The following SRFBP1 variants were observed in gnomAD, a reference collection of about 807,000 sequenced individuals.
SRFBP1 encodes the protein serum response factor binding protein 1, also known as serum response factor-binding protein 1.
Under a neutral mutation model 45.5 loss-of-function variants are expected in SRFBP1, and 47 were observed. The observed-to-expected ratio is 1.03, with a 90% CI of 0.82 to 1.32. The LOEUF is 1.32. Ranked by LOEUF, SRFBP1 falls within the 40% of genes most tolerant of loss-of-function variation. The probability of loss-of-function intolerance (pLI) is 0.00; values close to 1 mark genes in which losing one functional copy is unlikely to be tolerated. For synonymous variants in SRFBP1, 203 were observed against 166.3 expected, an observed-to-expected ratio of 1.22 and a Z score of -1.70; for missense variants, 621 against 484.6, an observed-to-expected ratio of 1.28 and a Z score of -2.64.
At chr5:121,968,533 T>C (rs1462380770) in intron 1 of SRFBP1, among the ~76,000 whole-genome samples, 1 of 152,198 alleles carries the variant, frequency 6.6e-6, no homozygotes, top group Non-Finnish European at 1.5e-5. Context: ...TACAGATCTT[T>C]TGCATTGATT....
At chr5:122,026,235 A>G (rs1481520580) in intron 7 of SRFBP1, among the ~76,000 whole-genome samples, 1 of 152,208 alleles carries the variant, frequency 6.6e-6, no homozygotes, top group Non-Finnish European at 1.5e-5. Flanking sequence ...AGCAACTAAA[A>G]TGTGCATTGA....
intron 2 of SRFBP1, among the ~76,000 whole-genome samples, chr5:122,060,188 A>C (rs2152581362): frequency 6.6e-6 from 1 of 152,170 alleles, no homozygotes; most frequent in East Asian, 1.9e-4. Context: ...TCTGGAGAGA[A>C]AGTCAGGCCT....
rs191454172 is a variant in SRFBP1, at chr5:122,000,706, T to C, written c.270+6036T>C. Among the ~76,000 whole-genome samples, 66 of 152,292 alleles carry C rather than the reference T, an allele frequency of 4.3e-4. 1 individual carries two copies. The highest frequency in any genetic ancestry group is 1.5e-3 in the African/African-American group (63 of 41,578). On this transcript the variant is annotated intron_variant, in intron 4 of 7. Transcript: ENST00000339397. The stretch of plus-strand genomic sequence containing the variant: ...TCCAAATTGACTATAAGATGTTCAC[T>C]CTGACTGGTTCAGTGTGAATTTGCT...
intron 2 of SRFBP1, among the ~76,000 whole-genome samples, chr5:122,043,472 T>C (rs1304673006): frequency 6.6e-6 from 1 of 152,178 alleles, no homozygotes; most frequent in Non-Finnish European, 1.5e-5. Context: ...CACTTCAGCA[T>C]CCCAAAGTGC....
chr5:122,000,932 A>G (rs1752852624), intron 4 of SRFBP1, among the ~76,000 whole-genome samples: 1 of 152,150 alleles, frequency 6.6e-6, no homozygotes, highest in Admixed American at 6.5e-5. Flanking sequence ...GTGTTCCCAG[A>G]GGATACATTA....
chr5:122,017,547 G>A (rs574371574), intron 4 of SRFBP1, among the ~76,000 whole-genome samples: 3 of 152,288 alleles, frequency 2.0e-5, no homozygotes, highest in South Asian at 2.1e-4. Flanking sequence ...TTCCAAATAA[G>A]TTCACATTCT....
At chr5:121,997,776 G>A (rs1367427666) in intron 4 of SRFBP1, among the ~76,000 whole-genome samples, 2 of 151,432 alleles carry the variant, frequency 1.3e-5, no homozygotes, top group East Asian at 1.9e-4. Flanking sequence ...TCTGACAAAG[G>A]GCTAATATCC....
chr5:121,991,578 G>C (rs905173971), intron 3 of SRFBP1, among the ~76,000 whole-genome samples: 1 of 152,106 alleles, frequency 6.6e-6, no homozygotes, highest in Non-Finnish European at 1.5e-5. Context: ...ATCAAAAGGA[G>C]CCTTATTCTG....
At chr5:121,969,617 G>C (rs956034249) in intron 1 of SRFBP1, among the ~76,000 whole-genome samples, 3 of 151,950 alleles carry the variant, frequency 2.0e-5, no homozygotes, top group South Asian at 2.1e-4. Flanking sequence ...AACTTTAAAG[G>C]CTTCTGTATG....
At chr5:122,061,668 G>T (rs1175841205) in intron 2 of SRFBP1, among the ~76,000 whole-genome samples, 1 of 152,034 alleles carries the variant, frequency 6.6e-6, no homozygotes, top group Non-Finnish European at 1.5e-5. Context: ...AAACAACTAA[G>T]ATTTGTGAGG....
At chr5:121,977,123 A>C (rs1185542349) in intron 3 of SRFBP1, among the ~76,000 whole-genome samples, 1 of 152,056 alleles carries the variant, frequency 6.6e-6, no homozygotes, top group Non-Finnish European at 1.5e-5. Context: ...ATTCAGTGAT[A>C]AAGTTTGTAG....
At chr5:122,004,206 C>G (rs1252286152) in intron 4 of SRFBP1, among the ~76,000 whole-genome samples, 1 of 152,138 alleles carries the variant, frequency 6.6e-6, no homozygotes, top group Non-Finnish European at 1.5e-5. Flanking sequence ...AGACTCTTAC[C>G]AGATGTATGG....
chr5:122,005,291 C>T (rs1752952349), intron 4 of SRFBP1, among the ~76,000 whole-genome samples: 1 of 152,112 alleles, frequency 6.6e-6, no homozygotes, highest in Non-Finnish European at 1.5e-5. Context: ...CTTCCTTCAG[C>T]TCCGTTAACA....
intron 4 of SRFBP1, among the ~76,000 whole-genome samples, chr5:122,011,255 A>G (rs1373723094): frequency 6.6e-6 from 1 of 152,160 alleles, no homozygotes; most frequent in Non-Finnish European, 1.5e-5. Context: ...TTTACAATAA[A>G]TACCCATATA....
At chr5:121,973,681 T>A (rs1209902560) in intron 1 of SRFBP1, among the ~76,000 whole-genome samples, 1 of 151,778 alleles carries the variant, frequency 6.6e-6, no homozygotes, top group Non-Finnish European at 1.5e-5. Flanking sequence ...TTTGTGGATC[T>A]TCTTTTAAAA....
At position 121,971,361 on chromosome 5, in the gene SRFBP1, G is replaced by A. The variant is rs192483904; in HGVS notation, c.37-2835G>A. ...TTAATAGGACTTGGAGATTCATTGT[G>A]AAGGATTAAGAGAGCTACCTCTAAA... is the stretch of plus-strand genomic sequence containing the variant. On this transcript the variant is annotated intron_variant, in intron 1 of 7. Coordinates refer to ENST00000339397, the MANE Select transcript of SRFBP1 (RefSeq NM_152546.3). Among the ~76,000 whole-genome samples the A allele has an allele frequency of 1.1e-4, 17 of 152,066 alleles. No homozygotes were observed. The East Asian group carries it at 3.3e-3, about 29-fold the overall frequency.
At chr5:121,985,429 TG>T (rs1752491176) in intron 3 of SRFBP1, among the ~76,000 whole-genome samples, 2 of 151,818 alleles carry the variant, frequency 1.3e-5, no homozygotes, top group Admixed American at 1.3e-4. Context: ...TCATGAAGTC[TG>T]TGTAAAGGAA....
downstream of SRFBP1, chr5:122,077,694 G>T (rs199790528): frequency 8.8e-6 from 14 of 1,597,138 alleles, no homozygotes; most frequent in Non-Finnish European, 1.2e-5. This position sits in a 1 kb window ranked among gnomAD's most constrained non-coding sequence, Gnocchi z 4.9. Flanking sequence ...GCGGCGGTGC[G>T]GTTGTCGCGG....
At chr5:122,039,587 C>A (rs1753741732) in intron 2 of SRFBP1, among the ~76,000 whole-genome samples, 1 of 152,096 alleles carries the variant, frequency 6.6e-6, no homozygotes, top group Admixed American at 6.5e-5. Context: ...GATAATCTTC[C>A]ACACTTCTTC....
Sources: allele counts gnomAD v4.1 joint callset (sites outside exome capture counted in the v4.1 genomes callset), GRCh38; gene constraint gnomAD v4.1.1; non-coding constraint Gnocchi (gnomAD v3.1); transcripts MANE v1.5; gene names NCBI Gene and HGNC (gene_info 2026-07-23, HGNC 2026-07-21).